Variants in PLXNA2 observed in about 807,000 individuals in gnomAD.
PLXNA2 encodes the protein plexin A2, also known as plexin-A2.
Under a neutral mutation model 193.5 loss-of-function variants are expected in PLXNA2, and 91 were observed. The ratio of observed to expected loss-of-function variants is 0.47; its 90% CI spans 0.40 to 0.56. The LOEUF (loss-of-function observed/expected upper bound fraction) is 0.56. Among genes scored for constraint, PLXNA2 ranks in the 20% least tolerant of loss-of-function variants. The pLI is 0.00. For missense variants in PLXNA2, 1,995 were observed against 2,503.2 expected, an observed-to-expected ratio of 0.80 and a Z score of 4.33; for synonymous variants, 997 against 1,027.3, an observed-to-expected ratio of 0.97 and a Z score of 0.56.
intron 14 of PLXNA2, 152 bp downstream of exon 14, chr1:208,054,269 A>G: frequency 1.8e-6 from 1 of 564,216 alleles, no homozygotes; most frequent in Non-Finnish European, 3.2e-6. Context: ...AAACAGCAAG[A>G]CCAGAAGTTG....
chr1:208,216,997 A>C lies in PLXNA2; in HGVS notation c.926T>G (p.Leu309Arg), dbSNP rs1200083603. 1.2e-6 allele frequency: 2 copies of C among 1,612,118 alleles called. No individual in the cohort carries two copies. Among genetic ancestry groups the C allele is most frequent in the Non-Finnish European group, 1.7e-6 (2 of 1,178,716 alleles). ...GCTRAGVEYR[L>R]LQAAYLAKPG... is the part of the protein sequence containing the mutation. ...CTTGGCCAGGTAAGCAGCCTGCAGG[A>C]GGCGGTATTCCACCCCGGCCCGGGT... Residue 309 changes from leucine to arginine, a missense_variant, in exon 2 of 32, where the codon CTC becomes CGC. Physicochemically the swap from Leu to Arg is moderately radical, Grantham distance 102 (BLOSUM62 -2). Coordinates refer to ENST00000367033, the MANE Select transcript of PLXNA2 (RefSeq NM_025179.4).
At chr1:208,135,924 C>A (rs912540630) in intron 4 of PLXNA2, among the ~76,000 whole-genome samples, 1 of 152,088 alleles carries the variant, frequency 6.6e-6, no homozygotes, top group African/African-American at 2.4e-5. Context: ...CACAAAAAGG[C>A]GATGCAATTT....
chr1:208,132,700 G>T (rs1192155219), intron 4 of PLXNA2, among the ~76,000 whole-genome samples: 1 of 152,166 alleles, frequency 6.6e-6, no homozygotes, highest in Non-Finnish European at 1.5e-5. Context: ...AGCATGACCT[G>T]CAGGGCTTGG....
At chr1:208,037,025 T>C (rs1664689941) in intron 26 of PLXNA2, among the ~76,000 whole-genome samples, 1 of 152,184 alleles carries the variant, frequency 6.6e-6, no homozygotes, top group South Asian at 2.1e-4. Context: ...AAGCACCATA[T>C]GAAATGGTGG....
At chr1:208,192,397 C>A (rs1039020008) in intron 3 of PLXNA2, among the ~76,000 whole-genome samples, 1 of 151,896 alleles carries the variant, frequency 6.6e-6, no homozygotes. Context: ...GGGTACATAA[C>A]ATGTGATGAT....
intron 3 of PLXNA2, among the ~76,000 whole-genome samples, chr1:208,202,152 G>A (rs866027785): frequency 2.6e-5 from 4 of 151,888 alleles, no homozygotes; most frequent in Middle Eastern, 6.8e-3. Flanking sequence ...GCTAATTTTT[G>A]TATTTTTAGT....
At chr1:208,045,849 T>G in intron 18 of PLXNA2, 29 bp downstream of exon 18, 1 of 1,611,384 alleles carries the variant, frequency 6.2e-7, no homozygotes, top group East Asian at 2.2e-5. Context: ...CTGCCCCTGG[T>G]GGCACTGCCC....
At position 208,039,713 on chromosome 1, in the gene PLXNA2, C is replaced by T; in HGVS notation, c.4408G>A (p.Glu1470Lys). The T allele has an allele frequency of 6.2e-7, 1 of 1,614,218 alleles. No individual in the cohort carries two copies. The highest frequency in any genetic ancestry group is 8.5e-7 in the Non-Finnish European group (1 of 1,180,040). ...MLYCAIKQQM[E>K]KGPIDAITGE... ...GTGATGGCATCAATGGGGCCCTTCTCCATCTGCTGCTTGATGGCACAGTAT... is the reference window on the plus strand; with the variant it reads ...GTGATGGCATCAATGGGGCCCTTCTTCATCTGCTGCTTGATGGCACAGTAT... Residue 1470 changes from glutamate (E) to lysine (K), a missense_variant, in exon 24 of 32, where the codon GAG becomes AAG. Physicochemically the swap from Glu to Lys is moderately conservative, Grantham distance 56 (BLOSUM62 1). This residue lies in a region of PLXNA2 where 1,291 missense variants were observed against 1,673.6 expected (regional missense o/e 0.77). Coordinates refer to ENST00000367033, the MANE Select transcript of PLXNA2 (RefSeq NM_025179.4).
chr1:208,110,543 T>C (rs1253397009), intron 4 of PLXNA2, among the ~76,000 whole-genome samples: 1 of 152,240 alleles, frequency 6.6e-6, no homozygotes, highest in Non-Finnish European at 1.5e-5. Flanking sequence ...AACAGCTGCA[T>C]GTATCCAGTA....
Position 208,092,715 on chromosome 1 carries a change from G to C in PLXNA2, c.2097+71C>G, listed in dbSNP as rs1217850389. On this transcript the variant is annotated intron_variant, in intron 9 of 31. Transcript: ENST00000367033. ...AAGAAAATGGCCAAGCCATTGGACT[G>C]ACCATCTAAAGAGGGAGGGGCCACT... 3 of 1,067,982 alleles carry C rather than the reference G, an allele frequency of 2.8e-6. No homozygotes were observed. The African/African-American group carries it at 4.7e-5, about 17-fold the overall frequency. The allele number at this position is 1,067,982 out of a possible 1,614,324, so 66.2% of individuals were successfully genotyped here.
intron 14 of PLXNA2, 99 bp downstream of exon 14, chr1:208,054,322 G>T: frequency 1.3e-6 from 1 of 767,154 alleles, no homozygotes; most frequent in Non-Finnish European, 2.3e-6. Context: ...TCTGCAAGAA[G>T]CCTGGTGGTG....
intron 2 of PLXNA2, among the ~76,000 whole-genome samples, chr1:208,211,568 C>T (rs1028679245): frequency 1.2e-4 from 18 of 152,210 alleles, no homozygotes; most frequent in African/African-American, 4.1e-4. Context: ...TGGTGTGTGC[C>T]TGTAGTCCCA....
At chr1:208,211,149 C>A (rs1670929691) in intron 2 of PLXNA2, among the ~76,000 whole-genome samples, 1 of 152,216 alleles carries the variant, frequency 6.6e-6, no homozygotes, top group Admixed American at 6.5e-5. Context: ...ACCTGCCCAC[C>A]TTTCTGATAG....
intron 4 of PLXNA2, among the ~76,000 whole-genome samples, chr1:208,118,861 G>T (rs1276691183): frequency 2.0e-5 from 3 of 152,116 alleles, no homozygotes; most frequent in Admixed American, 1.3e-4. Context: ...AAAAAAAGCG[G>T]AATTTTAAAT....
rs1014088820 is a variant in PLXNA2, at chr1:208,189,719, C to T, written c.1371+20561G>A. Among the ~76,000 whole-genome samples, 5 of 152,190 alleles carry T rather than the reference C, an allele frequency of 3.3e-5. No homozygotes were observed. In the East Asian group the frequency reaches 9.7e-4, roughly 29 times the overall value. Reference sequence around the variant, plus strand: ...GCTCAATAAGGCTAACTGATTTACCCAATATAATCCTCTTAGATGATAGGA... The same window carrying T: ...GCTCAATAAGGCTAACTGATTTACCTAATATAATCCTCTTAGATGATAGGA... On this transcript the variant is annotated intron_variant, in intron 3 of 31. Coordinates refer to ENST00000367033, the MANE Select transcript of PLXNA2 (RefSeq NM_025179.4).
At chr1:208,099,059 C>T in intron 5 of PLXNA2, 90 bp from the exon 6 acceptor site, 1 of 1,500,210 alleles carries the variant, frequency 6.7e-7, no homozygotes, top group Non-Finnish European at 9.1e-7. Flanking sequence ...GAGTTTGCTG[C>T]CCTGAGGCCT....
intron 3 of PLXNA2, among the ~76,000 whole-genome samples, chr1:208,169,940 A>T (rs1056565391): frequency 5.9e-5 from 9 of 152,230 alleles, no homozygotes; most frequent in African/African-American, 2.2e-4. Context: ...CTAAATGTCT[A>T]GACTTTTCTA....
intron 12 of PLXNA2, among the ~76,000 whole-genome samples, chr1:208,063,453 A>T (rs1190762823): frequency 1.3e-5 from 2 of 152,216 alleles, no homozygotes; most frequent in African/African-American, 4.8e-5. Context: ...AGAGAAGAAG[A>T]CTTTTTTTGG....
chr1:208,229,590 G>A (rs979670872), intron 1 of PLXNA2, among the ~76,000 whole-genome samples: 1 of 152,190 alleles, frequency 6.6e-6, no homozygotes, highest in Non-Finnish European at 1.5e-5. Flanking sequence ...AAATGATTTA[G>A]GAAGGATCCT....
Sources: allele counts gnomAD v4.1 joint callset (sites outside exome capture counted in the v4.1 genomes callset), GRCh38; gene constraint gnomAD v4.1.1; regional missense constraint gnomAD v4.1.1; transcripts MANE v1.5; gene names NCBI Gene and HGNC (gene_info 2026-07-23, HGNC 2026-07-21).